SLC49A4: variants seen among roughly 807,000 people sequenced by gnomAD.
SLC49A4 encodes solute carrier family 49 member 4, also known as disrupted in renal cancer protein 2.
In SLC49A4, 36 loss-of-function variants were observed where a neutral mutation model predicts 50.6. The ratio of observed to expected loss-of-function variants is 0.71; its 90% CI spans 0.55 to 0.94. SLC49A4 has a LOEUF of 0.94. Ranked by LOEUF, SLC49A4 falls within the 40% of genes least tolerant of loss-of-function variation. The pLI is 0.00. For missense variants in SLC49A4, 503 were observed against 605.7 expected, an observed-to-expected ratio of 0.83 and a Z score of 1.78; for synonymous variants, 248 against 241.2, an observed-to-expected ratio of 1.03 and a Z score of -0.26.
intron 7 of SLC49A4, among the ~76,000 whole-genome samples, chr3:122,862,091 C>T (rs115652042): frequency 0.012 from 1,798 of 152,174 alleles, 37 homozygotes; most frequent in African/African-American, 0.039. Context: ...TCTTGCAGTG[C>T]GCATCAGTGC....
At chr3:122,819,109 C>T (rs989501273) in intron 2 of SLC49A4, among the ~76,000 whole-genome samples, 1 of 150,480 alleles carries the variant, frequency 6.6e-6, no homozygotes. Flanking sequence ...ATTAGGTGTG[C>T]TAGTGTGTGC....
intron 5 of SLC49A4, 48 bp from the exon 6 acceptor site, chr3:122,856,259 T>G: frequency 1.3e-6 from 2 of 1,580,786 alleles, no homozygotes. Context: ...CCTTTTATAT[T>G]GCAGTATGAT....
At chr3:122,854,735 C>T (rs1223331795) in intron 5 of SLC49A4, among the ~76,000 whole-genome samples, 2 of 152,154 alleles carry the variant, frequency 1.3e-5, no homozygotes, top group Non-Finnish European at 2.9e-5. Context: ...AGCTAAGTAC[C>T]CAGGTAGAAG....
chr3:122,816,449 T>C (rs1403744402), intron 2 of SLC49A4, among the ~76,000 whole-genome samples: 1 of 152,178 alleles, frequency 6.6e-6, no homozygotes, highest in Non-Finnish European at 1.5e-5. Context: ...GTGGTATTGC[T>C]GCGGCCACAG....
Position 122,880,736 on chromosome 3 carries a change from C to G in SLC49A4, c.*1358C>G, listed in dbSNP as rs567521217. ...CAGAGTGCAAGTGGCTCTTATCAGCCAAGGTGGTGAAGGTTCAGGAAAGCT... is the reference window on the plus strand; with the variant it reads ...CAGAGTGCAAGTGGCTCTTATCAGCGAAGGTGGTGAAGGTTCAGGAAAGCT... On this transcript the variant is annotated 3_prime_UTR_variant, in exon 9 of 9. Coordinates refer to ENST00000261038, the MANE Select transcript of SLC49A4 (RefSeq NM_032839.3). The G allele has an allele frequency of 3.9e-5, 6 of 152,348 alleles. No homozygotes were observed. Among genetic ancestry groups the G allele is most frequent in the African/African-American group, 1.4e-4 (6 of 41,528 alleles). 9.4% of individuals were successfully genotyped at this position (152,348 alleles called of 1,614,324 possible).
At chr3:122,853,621 G>A (rs565358807) in intron 5 of SLC49A4, among the ~76,000 whole-genome samples, 5 of 152,188 alleles carry the variant, frequency 3.3e-5, no homozygotes, top group South Asian at 2.1e-4. Context: ...TTAGCTGGGC[G>A]CGGTAGCACA....
intron 5 of SLC49A4, among the ~76,000 whole-genome samples, chr3:122,850,230 G>A (rs991319023): frequency 7.2e-5 from 11 of 152,214 alleles, no homozygotes; most frequent in South Asian, 2.1e-4. Context: ...AATATCACAC[G>A]TAGGAATGCT....
At chr3:122,869,279 C>G (rs901282610) in intron 7 of SLC49A4, among the ~76,000 whole-genome samples, 5 of 152,110 alleles carry the variant, frequency 3.3e-5, no homozygotes, top group African/African-American at 1.2e-4. Context: ...CTTCTGTATT[C>G]TCCCAGGGAA....
chr3:122,840,401 T>G (rs181887533), intron 4 of SLC49A4, among the ~76,000 whole-genome samples: 2 of 152,358 alleles, frequency 1.3e-5, no homozygotes, highest in African/African-American at 4.8e-5. Flanking sequence ...AAAATTTGTT[T>G]TAATTTTTTG....
At position 122,851,745 on chromosome 3, in the gene SLC49A4, T is replaced by G. The variant is rs556190673; in HGVS notation, c.943-4562T>G. ...AAAACTTGTGCTCTGTTTTCTCTAA[T>G]TTCTTTTGGGTATTCTAACTATATA... is the stretch of plus-strand genomic sequence containing the variant. On this transcript the variant is annotated intron_variant, in intron 5 of 8. Transcript: ENST00000261038. 1.1e-4 allele frequency among the ~76,000 whole-genome samples: 16 copies of G among 152,280 alleles called. No individual in the cohort carries two copies. In the East Asian group the frequency reaches 3.1e-3, roughly 29 times the overall value.
chr3:122,861,892 T>C (rs1274157326), intron 7 of SLC49A4, among the ~76,000 whole-genome samples: 1 of 152,220 alleles, frequency 6.6e-6, no homozygotes, highest in Non-Finnish European at 1.5e-5. Context: ...AACCTCTAGT[T>C]CAGAGAAGTT....
intron 1 of SLC49A4, among the ~76,000 whole-genome samples, chr3:122,798,804 G>GT (rs1426555947): frequency 6.6e-6 from 1 of 151,572 alleles, no homozygotes; most frequent in African/African-American, 2.4e-5. Context: ...AGCCTGGCTA[G>GT]TTTTTTGTAT....
At chr3:122,856,455 A>G in intron 6 of SLC49A4, 81 bp downstream of exon 6, 2 of 1,281,228 alleles carry the variant, frequency 1.6e-6, no homozygotes, top group East Asian at 2.3e-5. Flanking sequence ...CTAAATAAAC[A>G]TTACAATTCA....
chr3:122,847,876 G>A (rs1936877734), intron 5 of SLC49A4, among the ~76,000 whole-genome samples: 1 of 152,168 alleles, frequency 6.6e-6, no homozygotes, highest in Non-Finnish European at 1.5e-5. Flanking sequence ...TCATAAATAT[G>A]TTATCTTGTA....
chr3:122,853,273 C>T (rs953065365), intron 5 of SLC49A4, among the ~76,000 whole-genome samples: 2 of 152,170 alleles, frequency 1.3e-5, no homozygotes, highest in African/African-American at 4.8e-5. Context: ...AAGGCCCCCA[C>T]CTCTTAATAT....
chr3:122,864,046 G>A (rs927733003), intron 7 of SLC49A4, among the ~76,000 whole-genome samples: 6 of 152,020 alleles, frequency 3.9e-5, no homozygotes, highest in African/African-American at 7.2e-5. Flanking sequence ...GAGTCACCAC[G>A]CCCAACCTCA....
chr3:122,841,399 A>G (rs918166911), intron 4 of SLC49A4, among the ~76,000 whole-genome samples: 2 of 152,226 alleles, frequency 1.3e-5, no homozygotes, highest in Non-Finnish European at 2.9e-5. Context: ...GTGTGTAGAA[A>G]AAAATAATTA....
chr3:122,876,379 C>T (rs1238601196), intron 8 of SLC49A4, among the ~76,000 whole-genome samples: 1 of 152,172 alleles, frequency 6.6e-6, no homozygotes, highest in Non-Finnish European at 1.5e-5. Context: ...TGTGTTGTCA[C>T]TCAAAAGATT....
intron 4 of SLC49A4, among the ~76,000 whole-genome samples, chr3:122,834,276 G>C (rs1457527635): frequency 6.6e-6 from 1 of 152,150 alleles, no homozygotes; most frequent in East Asian, 1.9e-4. Context: ...ATACTGTCCA[G>C]TAGGAATAAA....
Sources: gnomAD v4.1 joint callset for allele counts (sites outside exome capture counted in the v4.1 genomes callset) on GRCh38, gnomAD v4.1.1 for gene constraint, MANE v1.5 for transcripts, NCBI Gene and HGNC (gene_info 2026-07-23, HGNC 2026-07-21) for gene names.